The following LMTK2 variants were observed in gnomAD, a reference collection of about 807,000 sequenced individuals.
LMTK2 encodes serine/threonine-protein kinase LMTK2.
A neutral mutation model predicts 127.5 loss-of-function variants in LMTK2; 37 were observed. That is an observed-to-expected ratio of 0.29 (90% CI 0.22 to 0.38). The LOEUF is 0.38. Ranked by LOEUF, LMTK2 falls within the 10% of genes least tolerant of loss-of-function variation. The pLI, the probability that LMTK2 is intolerant of heterozygous loss-of-function variation, is 1.00. For missense variants in LMTK2, 1,694 were observed against 1,920.3 expected, an observed-to-expected ratio of 0.88 and a Z score of 2.20; for synonymous variants, 819 against 810.1, an observed-to-expected ratio of 1.01 and a Z score of -0.19.
At chr7:98,153,701 C>T (rs965838056) in intron 4 of LMTK2, among the ~76,000 whole-genome samples, 4 of 152,004 alleles carry the variant, frequency 2.6e-5, no homozygotes, top group African/African-American at 7.3e-5. Context: ...AGCACAACCC[C>T]ATCTCTAAAA....
chr7:98,205,155 T>C (rs1797770021), intron 13 of LMTK2, among the ~76,000 whole-genome samples: 1 of 152,252 alleles, frequency 6.6e-6, no homozygotes, highest in Admixed American at 6.5e-5. Context: ...CCCTCGGCGC[T>C]AGGCTTCATT....
At chr7:98,188,463 T>G (rs933602672) in intron 9 of LMTK2, among the ~76,000 whole-genome samples, 1 of 152,072 alleles carries the variant, frequency 6.6e-6, no homozygotes, top group Non-Finnish European at 1.5e-5. Flanking sequence ...AAGTTATTAT[T>G]ATATATATTT....
chr7:98,115,262 A>G (rs1030602698), intron 1 of LMTK2, among the ~76,000 whole-genome samples: 3 of 151,886 alleles, frequency 2.0e-5, no homozygotes, highest in Non-Finnish European at 4.4e-5. Context: ...TAAAAAACAC[A>G]AAAATTAGCT....
chr7:98,118,430 T>C (rs1353289262), intron 1 of LMTK2, among the ~76,000 whole-genome samples: 1 of 152,208 alleles, frequency 6.6e-6, no homozygotes, highest in Non-Finnish European at 1.5e-5. Flanking sequence ...ACTCCTTGAA[T>C]TGGTAAAAGT....
intron 2 of LMTK2, among the ~76,000 whole-genome samples, chr7:98,139,289 AT>A (rs928728559): frequency 2.0e-5 from 3 of 151,950 alleles, no homozygotes; most frequent in African/African-American, 7.3e-5. Flanking sequence ...TAAGTTTTGT[AT>A]TTTTTGTAGA....
rs964969237 is a variant in LMTK2 at position 98,154,708 on chromosome 7, C to T, written c.451-50C>T. ...CATTTCCCGGTAAATGCAGCAGACT[C>T]CTTTATCATTTTGATGGAAATGACA... On this transcript the variant is annotated intron_variant, in intron 4 of 13. Coordinates refer to ENST00000297293, the MANE Select transcript of LMTK2 (RefSeq NM_014916.4). 4.3e-6 allele frequency: 5 copies of T among 1,175,530 alleles called. No individual in the cohort carries two copies. The African/African-American group carries it at 6.1e-5, about 14-fold the overall frequency. The allele number at this position is 1,175,530 out of a possible 1,614,324, so 72.8% of individuals were successfully genotyped here.
At chr7:98,177,131 G>C (rs1375510113) in intron 7 of LMTK2, among the ~76,000 whole-genome samples, 2 of 152,178 alleles carry the variant, frequency 1.3e-5, no homozygotes, top group Non-Finnish European at 2.9e-5. Context: ...GGTGTTGGAT[G>C]TTTAGAAAAA....
intron 7 of LMTK2, among the ~76,000 whole-genome samples, chr7:98,179,816 G>A (rs1001760017): frequency 6.6e-6 from 1 of 152,204 alleles, no homozygotes; most frequent in Non-Finnish European, 1.5e-5. Context: ...AGCACAAAGA[G>A]TGTGGCAAGT....
At chr7:98,143,046 GGACA>G (rs1257697473) in intron 3 of LMTK2, among the ~76,000 whole-genome samples, 1 of 152,160 alleles carries the variant, frequency 6.6e-6, no homozygotes, top group Non-Finnish European at 1.5e-5. Flanking sequence ...AGGAAGGTGG[GGACA>G]GACAGACAGC....
At chr7:98,146,520 A>G (rs1796775433) in intron 3 of LMTK2, among the ~76,000 whole-genome samples, 1 of 151,942 alleles carries the variant, frequency 6.6e-6, no homozygotes, top group Non-Finnish European at 1.5e-5. Context: ...TTCCCTTCTC[A>G]TTCCCTTTGG....
chr7:98,122,720 GTGTGTGTATATATA>G lies in LMTK2; in HGVS notation c.104-14593_104-14580del, dbSNP rs1562896901. Among the ~76,000 whole-genome samples, 13 of 60,866 alleles carry G rather than the reference GTGTGTGTATATATA, an allele frequency of 2.1e-4. 1 individual carries two copies. In the South Asian group the frequency reaches 6.4e-3, roughly 30 times the overall value. 39.9% of individuals were successfully genotyped at this position (60,866 alleles called of 152,430 possible). On this transcript the variant is annotated intron_variant, in intron 1 of 13. Transcript: ENST00000297293. ...TGTGTGTGTGTGTGTGTGTGTGTGT[GTGTGTGTATATATA>G]TAACTGGATCTCACTCTGTCCCCTA...
intron 4 of LMTK2, among the ~76,000 whole-genome samples, chr7:98,153,043 A>G (rs565419828): frequency 1.3e-5 from 2 of 152,336 alleles, no homozygotes; most frequent in South Asian, 4.1e-4. Context: ...GAAATGCAAC[A>G]GACACTGCAG....
intron 1 of LMTK2, among the ~76,000 whole-genome samples, chr7:98,127,839 A>C (rs1026563931): frequency 6.6e-6 from 1 of 152,196 alleles, no homozygotes; most frequent in Non-Finnish European, 1.5e-5. Flanking sequence ...ACCTATTTGT[A>C]CACTTAAAAA....
intron 1 of LMTK2, among the ~76,000 whole-genome samples, chr7:98,114,240 G>GTTTT (rs554396308): frequency 1.5e-5 from 2 of 130,974 alleles, no homozygotes; most frequent in Non-Finnish European, 3.3e-5. Context: ...TTTTTTTAAA[G>GTTTT]TTTTTTTTTT....
chr7:98,186,885 T>C lies in LMTK2; in HGVS notation c.885T>C (p.Tyr295=), dbSNP rs1797444391. ...GIGFSRYKED[Y]IETDDKKVFP... is the part of the protein sequence containing the mutation. The stretch of plus-strand genomic sequence containing the variant: ...GCTTTCTAACAAAACAGGAGGATTA[T>C]ATTGAAACAGATGATAAAAAAGTTT... The change falls in exon 9 of 14, where the codon TAT becomes TAC. Residue 295 remains tyrosine (Y), a synonymous_variant. Coordinates refer to ENST00000297293, the MANE Select transcript of LMTK2 (RefSeq NM_014916.4). The C allele has an allele frequency of 1.9e-6, 3 of 1,612,552 alleles. No individual in the cohort carries two copies. In the Admixed American group the frequency reaches 5.0e-5, roughly 27 times the overall value.
At chr7:98,113,944 T>G (rs1255881870) in intron 1 of LMTK2, among the ~76,000 whole-genome samples, 1 of 152,152 alleles carries the variant, frequency 6.6e-6, no homozygotes, top group Non-Finnish European at 1.5e-5. Flanking sequence ...TTTTTTTTTT[T>G]TTTGCAAAAG....
chr7:98,180,867 A>C (rs1797344437), intron 7 of LMTK2, among the ~76,000 whole-genome samples: 1 of 152,134 alleles, frequency 6.6e-6, no homozygotes, highest in Non-Finnish European at 1.5e-5. Flanking sequence ...CACTCTGAAA[A>C]TACAAGGAAA....
chr7:98,174,284 A>C (rs780187622), intron 7 of LMTK2, among the ~76,000 whole-genome samples: 33 of 152,310 alleles, frequency 2.2e-4, no homozygotes, highest in Non-Finnish European at 4.7e-4. Flanking sequence ...TTGAAAATAG[A>C]ACAACCTACA....
chr7:98,154,034 A>G (rs1316203727), intron 4 of LMTK2, among the ~76,000 whole-genome samples: 1 of 152,192 alleles, frequency 6.6e-6, no homozygotes, highest in African/African-American at 2.4e-5. Flanking sequence ...AAGTATTTTT[A>G]TTTTGATCAT....
Sources: gnomAD v4.1 joint callset for allele counts (sites outside exome capture counted in the v4.1 genomes callset) on GRCh38, gnomAD v4.1.1 for gene constraint, MANE v1.5 for transcripts, NCBI Gene and HGNC (gene_info 2026-07-23, HGNC 2026-07-21) for gene names.